The following MTMR4 variants were observed in gnomAD, a reference collection of about 807,000 sequenced individuals.
The protein encoded by MTMR4 is phosphatidylinositol-3,5-bisphosphate 3-phosphatase MTMR4.
A neutral mutation model predicts 125.5 loss-of-function variants in MTMR4; 30 were observed. The ratio of observed to expected loss-of-function variants is 0.24; its 90% CI spans 0.18 to 0.32. The LOEUF (loss-of-function observed/expected upper bound fraction) is 0.32. MTMR4 is among the 10% of genes least tolerant of loss of function. MTMR4 has a pLI of 1.00. For synonymous variants in MTMR4, 498 were observed against 564.5 expected (o/e 0.88, Z 1.67); for missense variants, 1,039 against 1,511.5 (o/e 0.69, Z 5.18).
chr17:58,507,037 C>G, intron 8 of MTMR4, 86 bp downstream of exon 8: 1 of 1,583,516 alleles, frequency 6.3e-7, no homozygotes, highest in Non-Finnish European at 8.7e-7. Flanking sequence ...GTCATCTTCC[C>G]AGACTCTCAC....
In MTMR4 at chr17:58,489,760, C is replaced by T. The variant is rs1303022398; in HGVS notation, c.*1903G>A. 1 of 152,504 alleles carries T rather than the reference C, an allele frequency of 6.6e-6. No homozygotes were observed. Among genetic ancestry groups the T allele is most frequent in the Non-Finnish European group, 1.5e-5 (1 of 68,038 alleles). The allele number at this position is 152,504 out of a possible 1,614,324, so 9.4% of individuals were successfully genotyped here. ...ATGGGACAGTCCCTCAAAACAGCCACGCTAAGTAGACAGATACAGTCTCCC... is the reference window on the plus strand; with the variant it reads ...ATGGGACAGTCCCTCAAAACAGCCATGCTAAGTAGACAGATACAGTCTCCC... On this transcript the variant is annotated 3_prime_UTR_variant, in exon 18 of 18. Coordinates refer to ENST00000682306, the MANE Select transcript of MTMR4 (RefSeq NM_001378067.1).
chr17:58,501,157 G>C (rs1022299275), intron 14 of MTMR4, among the ~76,000 whole-genome samples: 1 of 151,990 alleles, frequency 6.6e-6, no homozygotes, highest in Non-Finnish European at 1.5e-5. Context: ...TGGGATGCTG[G>C]GCTTTTTGTT....
chr17:58,518,393 G>A (rs1374224206), upstream of MTMR4, among the ~76,000 whole-genome samples: 1 of 152,140 alleles, frequency 6.6e-6, no homozygotes, highest in African/African-American at 2.4e-5. Context: ...CGGTCCCAAC[G>A]CCAGAATAGG....
Position 58,508,402 on chromosome 17 carries a change from A to G in MTMR4, c.593+66T>C, listed in dbSNP as rs1004474712. 10 of 1,580,972 alleles carry G rather than the reference A, an allele frequency of 6.3e-6. No individual in the cohort carries two copies. The highest frequency in any genetic ancestry group is 8.7e-6 in the Non-Finnish European group (10 of 1,150,050). ...CCTCTCAGACTCAGAAGCTGTGCCC[A>G]CCACACTTTATCCAAACACGGAAGT... On this transcript the variant is annotated intron_variant, in intron 6 of 17. Transcript: ENST00000682306. This position sits in a 1 kb window ranked among gnomAD's most constrained non-coding sequence, Gnocchi z 4.8.
At chr17:58,511,901 A>T (rs1936554194) in intron 3 of MTMR4, among the ~76,000 whole-genome samples, 3 of 152,172 alleles carry the variant, frequency 2.0e-5, no homozygotes, top group Admixed American at 2.0e-4. Flanking sequence ...AGAGAAGAGG[A>T]GAAAGGAGAA....
chr17:58,514,151 A>T, intron 1 of MTMR4: 1 of 281,602 alleles, frequency 3.6e-6, no homozygotes, highest in Non-Finnish European at 5.4e-6. Flanking sequence ...AGGATGGACC[A>T]CAGAATTTCC....
Position 58,508,574 on chromosome 17 carries a change from AG to A in MTMR4, c.497-11del, listed in dbSNP as rs772378943. 1 of 1,614,204 alleles carries A rather than the reference AG, an allele frequency of 6.2e-7. No individual in the cohort carries two copies. The highest frequency in any genetic ancestry group is 1.1e-5 in the South Asian group (1 of 91,082). ...CAACGTATGTGCTCACCTGCAACAG[AG>A]CCCCCACGATGGTTAGCTTCCCAGA... On this transcript the variant is annotated splice_polypyrimidine_tract_variant and intron_variant, in intron 5 of 17. Transcript: ENST00000682306. This position sits in a 1 kb window ranked among gnomAD's most constrained non-coding sequence, Gnocchi z 4.8.
intron 8 of MTMR4, 24 bp downstream of exon 8, chr17:58,507,099 G>A (rs367576654): frequency 4.0e-5 from 65 of 1,613,410 alleles, no homozygotes; most frequent in Admixed American, 8.3e-5. Context: ...GCTCCCTGGG[G>A]GGTTAGCATC....
intron 10 of MTMR4, 99 bp from the exon 11 acceptor site, chr17:58,505,073 G>T: frequency 8.2e-7 from 1 of 1,226,340 alleles, no homozygotes; most frequent in African/African-American, 1.5e-5. Flanking sequence ...AGTCCCCATT[G>T]AGAACTGAAA....
chr17:58,496,079 C>T lies in MTMR4; in HGVS notation c.2105G>A (p.Ser702Asn). The change falls in exon 15 of 18, where the codon AGC becomes AAC. Residue 702 changes from serine (S) to asparagine (N), a missense_variant. This residue lies in a region of MTMR4 where 619 missense variants were observed against 714.5 expected (regional missense o/e 0.87). Transcript: ENST00000682306. ...PLPSSQKDYL[S>N]NKPFKSHKSC... ...TTTGTGACTCTTGAAAGGTTTATTG[C>T]TCAAGTAGTCTTTCTGGCTGCTGGG... 6.2e-7 allele frequency: 1 copy of T among 1,614,182 alleles called. No individual in the cohort carries two copies. The highest frequency in any genetic ancestry group is 1.1e-5 in the South Asian group (1 of 91,088).
intron 14 of MTMR4, among the ~76,000 whole-genome samples, chr17:58,499,479 G>A (rs937488276): frequency 3.9e-5 from 6 of 152,062 alleles, no homozygotes; most frequent in Non-Finnish European, 7.4e-5. Flanking sequence ...CCCGGTGGGC[G>A]GAGTGAGCTG....
intron 1 of MTMR4, 119 bp downstream of exon 1, chr17:58,514,244 C>T: frequency 1.1e-6 from 1 of 904,136 alleles, no homozygotes; most frequent in Non-Finnish European, 1.3e-6. Context: ...TTCCCTGCCC[C>T]CCAAACGTTC....
chr17:58,494,176 T>C (rs1266086747), intron 15 of MTMR4, among the ~76,000 whole-genome samples: 2 of 151,468 alleles, frequency 1.3e-5, no homozygotes, highest in Admixed American at 6.6e-5. Context: ...AAAAATTAGC[T>C]GGGCATGGTG....
At chr17:58,510,148 C>T (rs767497339) in intron 4 of MTMR4, among the ~76,000 whole-genome samples, 6 of 152,174 alleles carry the variant, frequency 3.9e-5, no homozygotes, top group Non-Finnish European at 5.9e-5. Flanking sequence ...TTCTATGAAA[C>T]ATTAATCAGA....
At position 58,502,410 on chromosome 17, in the gene MTMR4, G is replaced by A. The variant is rs376657763; in HGVS notation, c.1853+1334C>T. ...TGACCTCAAGTGATCCACCTGCCTC[G>A]GCCTCCCAAAGTGCTGGGATTACAG... On this transcript the variant is annotated intron_variant, in intron 14 of 17. Coordinates refer to ENST00000682306, the MANE Select transcript of MTMR4 (RefSeq NM_001378067.1). Among the ~76,000 whole-genome samples, 15 of 151,736 alleles carry A rather than the reference G, an allele frequency of 9.9e-5. No individual in the cohort carries two copies. The South Asian group carries it at 1.5e-3, about 15-fold the overall frequency.
chr17:58,505,767 C>T (rs1305100020), intron 9 of MTMR4, among the ~76,000 whole-genome samples, 184 bp from the exon 10 acceptor site: 4 of 152,084 alleles, frequency 2.6e-5, no homozygotes, highest in African/African-American at 4.8e-5. Context: ...AATTAGCTGG[C>T]CATAGTGGTA....
upstream of MTMR4, among the ~76,000 whole-genome samples, chr17:58,518,495 C>T (rs1223697565): frequency 2.0e-5 from 3 of 152,146 alleles, no homozygotes; most frequent in African/African-American, 4.8e-5. Flanking sequence ...TTTCCCCCTT[C>T]CTGTGTCTTG....
At chr17:58,514,649 G>T, upstream of MTMR4, 1 of 985,300 alleles carries the variant, frequency 1.0e-6, no homozygotes, top group Non-Finnish European at 1.2e-6. Flanking sequence ...AGCCAGGCGA[G>T]GGGAGAGCCC....
intron 14 of MTMR4, among the ~76,000 whole-genome samples, chr17:58,501,928 G>A (rs1385308331): frequency 2.0e-5 from 3 of 151,684 alleles, no homozygotes; most frequent in South Asian, 4.2e-4. Flanking sequence ...GCATGGTGGC[G>A]CATGCCTGTA....
Sources: allele counts gnomAD v4.1 joint callset (sites outside exome capture counted in the v4.1 genomes callset), GRCh38; gene constraint gnomAD v4.1.1; regional missense constraint gnomAD v4.1.1; non-coding constraint Gnocchi (gnomAD v3.1); transcripts MANE v1.5; gene names NCBI Gene and HGNC (gene_info 2026-07-23, HGNC 2026-07-21).